DNTT: variants seen among roughly 807,000 people sequenced by gnomAD.
DNTT encodes the protein nucleosidetriphosphate:DNA deoxynucleotidylexotransferase.
In DNTT, 47 loss-of-function variants were observed where a neutral mutation model predicts 60.9. The observed-to-expected ratio is 0.77, with a 90% CI of 0.61 to 0.98. DNTT has a LOEUF of 0.98. Ranked by LOEUF, DNTT falls within the 50% of genes least tolerant of loss-of-function variation. The probability of loss-of-function intolerance (pLI) is 0.00; values close to 1 mark genes in which losing one functional copy is unlikely to be tolerated. For missense variants in DNTT, 665 were observed against 627.5 expected, an observed-to-expected ratio of 1.06 and a Z score of -0.64; for synonymous variants, 224 against 221.2, an observed-to-expected ratio of 1.01 and a Z score of -0.11.
At position 96,320,612 on chromosome 10, in the gene DNTT, C is replaced by T; in HGVS notation, c.508-6C>T. Reference sequence around the variant, plus strand: ...AATCTCCTGCTTATCTGGTTTTATCCTGCAGGATGCCTTTGATATACTGGC... The same window carrying T: ...AATCTCCTGCTTATCTGGTTTTATCTTGCAGGATGCCTTTGATATACTGGC... On this transcript the variant is annotated splice_region_variant and splice_polypyrimidine_tract_variant and intron_variant, in intron 3 of 10. Transcript: ENST00000371174. The T allele has an allele frequency of 1.9e-6, 3 of 1,613,292 alleles. No homozygotes were observed. The highest frequency in any genetic ancestry group is 2.5e-6 in the Non-Finnish European group (3 of 1,179,494).
chr10:96,334,096 CAATTATTATATGTT>C (rs1422131747), intron 9 of DNTT, among the ~76,000 whole-genome samples: 13 of 152,142 alleles, frequency 8.5e-5, no homozygotes, highest in African/African-American at 3.1e-4. Flanking sequence ...CAAATGCATA[CAATTATTATATGTT>C]AATTAAAAAT....
rs1844858387 is a variant in DNTT at position 96,320,693 on chromosome 10, G to A, written c.583G>A (p.Ala195Thr). The A allele has an allele frequency of 6.2e-7, 1 of 1,613,774 alleles. No individual in the cohort carries two copies. The highest frequency in any genetic ancestry group is 8.5e-7 in the Non-Finnish European group (1 of 1,179,836). Residue 195 changes from alanine to threonine, a missense_variant, in exon 4 of 11, where the codon GCT (alanine) becomes ACT (threonine). Transcript: ENST00000371174. ...EDSCVTFMRA[A>T]SVLKSLPFTI... Reference sequence around the variant, plus strand: ...CTCCTGTGTGACATTTATGAGAGCAGCTTCTGTATTGAAATCTCTGCCATT... The same window carrying A: ...CTCCTGTGTGACATTTATGAGAGCAACTTCTGTATTGAAATCTCTGCCATT...
chr10:96,329,923 G>A (rs1025969795), intron 8 of DNTT, among the ~76,000 whole-genome samples: 1 of 152,156 alleles, frequency 6.6e-6, no homozygotes, highest in Admixed American at 6.5e-5. Flanking sequence ...AGAACTGGCC[G>A]CTCTGTACCC....
At position 96,328,004 on chromosome 10, in the gene DNTT, C is replaced by T. The variant is rs535170344; in HGVS notation, c.1007+404C>T. 1.2e-4 allele frequency among the ~76,000 whole-genome samples: 18 copies of T among 152,290 alleles called. No homozygotes were observed. In the South Asian group the frequency reaches 3.5e-3, roughly 30 times the overall value. ...GCAAAGCCCTTGATCCACATAGTTA[C>T]AGTGATTTGTTCCTGTGTGTGGTTT... On this transcript the variant is annotated intron_variant, in intron 7 of 10. Transcript: ENST00000371174.
intron 1 of DNTT, among the ~76,000 whole-genome samples, chr10:96,305,145 A>G (rs1297290882): frequency 6.6e-6 from 1 of 152,202 alleles, no homozygotes; most frequent in Non-Finnish European, 1.5e-5. Context: ...GGCAGCTAGC[A>G]TCTGTGGTGG....
At chr10:96,337,992 G>A (rs1845093641) in intron 10 of DNTT, 146 bp from the exon 11 acceptor site, 2 of 609,512 alleles carry the variant, frequency 3.3e-6, no homozygotes, top group South Asian at 2.7e-5. Context: ...CAGTTAAAAT[G>A]ACTTTTTATA....
At chr10:96,333,786 C>T (rs576616432) in intron 9 of DNTT, among the ~76,000 whole-genome samples, 11 of 152,120 alleles carry the variant, frequency 7.2e-5, no homozygotes, top group African/African-American at 2.4e-4. Flanking sequence ...CGTAGAAGTA[C>T]AGAATAGAAT....
intron 1 of DNTT, among the ~76,000 whole-genome samples, chr10:96,315,015 CTG>C (rs1844771458): frequency 6.6e-6 from 1 of 152,136 alleles, no homozygotes; most frequent in African/African-American, 2.4e-5. Context: ...CACACAGAGA[CTG>C]TGAATTGCCT....
Position 96,338,187 on chromosome 10 carries a change from G to A in DNTT, c.1493G>A (p.Gly498Glu), listed in dbSNP as rs190218659. Reference protein sequence around the residue: ...ESEEEIFAHLGLDYIEPWERN... With the variant: ...ESEEEIFAHLELDYIEPWERN... ...GAAGAAGAAATTTTTGCGCATCTGG[G>A]ATTGGATTATATTGAACCGTGGGAA... Residue 498 changes from glycine to glutamate, a missense_variant, in exon 11 of 11, where the codon GGA (glycine) becomes GAA (glutamate). Physicochemically the swap from Gly to Glu is moderately conservative, Grantham distance 98. Coordinates refer to ENST00000371174, the MANE Select transcript of DNTT (RefSeq NM_004088.4). The A allele has an allele frequency of 8.2e-5, 133 of 1,613,462 alleles. No individual in the cohort carries two copies. The highest frequency in any genetic ancestry group is 9.4e-5 in the Non-Finnish European group (111 of 1,179,876).
intron 4 of DNTT, 94 bp downstream of exon 4, chr10:96,320,882 T>C: frequency 6.8e-7 from 1 of 1,480,114 alleles, no homozygotes; most frequent in Non-Finnish European, 9.2e-7. Context: ...GTCAACTATG[T>C]AGATGTGGTG....
chr10:96,310,959 T>G (rs1416587246), intron 1 of DNTT, among the ~76,000 whole-genome samples: 1 of 152,224 alleles, frequency 6.6e-6, no homozygotes, highest in Non-Finnish European at 1.5e-5. Flanking sequence ...CTGATCCAAA[T>G]TACTTTGTAT....
At chr10:96,330,045 C>G (rs977723491) in intron 8 of DNTT, among the ~76,000 whole-genome samples, 1 of 152,170 alleles carries the variant, frequency 6.6e-6, no homozygotes, top group Admixed American at 6.5e-5. Context: ...ATTCAGTCAA[C>G]CAGTGGGTAT....
chr10:96,324,446 G>A, intron 6 of DNTT, 57 bp downstream of exon 6: 1 of 1,600,640 alleles, frequency 6.2e-7, no homozygotes, highest in South Asian at 1.1e-5. Flanking sequence ...TCGTGGTGGA[G>A]CTCTAAGTCA....
At chr10:96,313,330 C>T (rs1030322379) in intron 1 of DNTT, among the ~76,000 whole-genome samples, 5 of 152,182 alleles carry the variant, frequency 3.3e-5, no homozygotes, top group Admixed American at 1.3e-4. Context: ...AAGGCAGAAA[C>T]AACTTCAGCC....
intron 4 of DNTT, among the ~76,000 whole-genome samples, chr10:96,321,639 A>G (rs913196181): frequency 2.6e-5 from 4 of 152,066 alleles, no homozygotes; most frequent in African/African-American, 9.7e-5. Flanking sequence ...GTTGTGACTA[A>G]TCATTTTATA....
chr10:96,332,065 C>G (rs1845012372), intron 8 of DNTT, among the ~76,000 whole-genome samples: 1 of 152,242 alleles, frequency 6.6e-6, no homozygotes, highest in African/African-American at 2.4e-5. Flanking sequence ...GAGCCCAGAG[C>G]ACTAGCTGAG....
Position 96,319,366 on chromosome 10 carries a change from A to G in DNTT, c.483A>G (p.Leu161=). The G allele has an allele frequency of 6.2e-7, 1 of 1,613,818 alleles. No homozygotes were observed. Among genetic ancestry groups the G allele is most frequent in the Non-Finnish European group, 8.5e-7 (1 of 1,179,756 alleles). Residue 161 remains leucine, a synonymous_variant, in exon 3 of 11, where the codon TTA becomes TTG. Coordinates refer to ENST00000371174, the MANE Select transcript of DNTT (RefSeq NM_004088.4). ...ATGCGTGTCAGAGAAGAACCACTTT[A>G]AACAACTGTAACCAGATATTCACGG... The part of the protein sequence containing the change: ...SQYACQRRTT[L]NNCNQIFTDA...
chr10:96,313,629 A>G (rs1844747770), intron 1 of DNTT, among the ~76,000 whole-genome samples: 1 of 152,194 alleles, frequency 6.6e-6, no homozygotes, highest in Admixed American at 6.5e-5. Context: ...TGTGAGGATT[A>G]AGTAAGAATA....
intron 5 of DNTT, among the ~76,000 whole-genome samples, chr10:96,322,959 T>C (rs926126839): frequency 6.6e-6 from 1 of 152,168 alleles, no homozygotes; most frequent in African/African-American, 2.4e-5. Context: ...GCTCCCCTGC[T>C]CACATGGTGA....
Sources: allele counts gnomAD v4.1 joint callset (sites outside exome capture counted in the v4.1 genomes callset), GRCh38; gene constraint gnomAD v4.1.1; transcripts MANE v1.5; gene names NCBI Gene and HGNC (gene_info 2026-07-23, HGNC 2026-07-21).